ASS1: variants seen among roughly 807,000 people sequenced by gnomAD.
ASS1 encodes argininosuccinate synthase.
A neutral mutation model predicts 60.5 loss-of-function variants in ASS1; 58 were observed. That is an observed-to-expected ratio of 0.96 (90% confidence interval 0.78 to 1.19). The LOEUF is 1.19. Among genes scored for constraint, ASS1 ranks in the 50% most tolerant of loss-of-function variants. The pLI is 0.00. For synonymous variants in ASS1, 200 were observed against 206.9 expected (o/e 0.97, Z 0.29); for missense variants, 454 against 547.3 (o/e 0.83, Z 1.70).
rs2118864015 is a variant in ASS1, at chr9:130,489,331, A to T, written c.839-2A>T. On this transcript the variant is annotated splice_acceptor_variant, in intron 11 of 14. Transcript: ENST00000352480. LOFTEE classifies it high-confidence loss of function. This position sits in a 1 kb window ranked among gnomAD's most constrained non-coding sequence, Gnocchi z 4.1. ...TTTCCCCCTGCCTGGAAAAATGGCT[A>T]GGTATCTACGAGACCCCAGCAGGCA... 1 of 1,613,170 alleles carries T rather than the reference A, an allele frequency of 6.2e-7. No homozygotes were observed.
rs1053548023 is a variant in ASS1, at chr9:130,470,365, G to T, written c.496-469G>T. Among the ~76,000 whole-genome samples, 8 of 152,254 alleles carry T rather than the reference G, an allele frequency of 5.3e-5. No individual in the cohort carries two copies. The South Asian group carries it at 1.7e-3, about 32-fold the overall frequency. On this transcript the variant is annotated intron_variant, in intron 6 of 14. Coordinates refer to ENST00000352480, the MANE Select transcript of ASS1 (RefSeq NM_054012.4). The surrounding 1 kb of genome is among the most constrained non-coding windows in gnomAD (Gnocchi z 4.3). ...GGAGGGGTGCCCCCAGAAGGTGTGGGCCATGAGCTAAAAGCTCTCCCTGCA... is the reference window on the plus strand; with the variant it reads ...GGAGGGGTGCCCCCAGAAGGTGTGGTCCATGAGCTAAAAGCTCTCCCTGCA...
intron 8 of ASS1, among the ~76,000 whole-genome samples, chr9:130,475,593 A>G (rs1733391570): frequency 6.6e-6 from 1 of 152,074 alleles, no homozygotes; most frequent in African/African-American, 2.4e-5. Context: ...CTGCCTGCAC[A>G]GAACTCACAG....
intron 11 of ASS1, among the ~76,000 whole-genome samples, chr9:130,487,943 C>T (rs540229516): frequency 2.6e-5 from 4 of 152,006 alleles, no homozygotes; most frequent in African/African-American, 4.8e-5. Context: ...TTAGTAGAGA[C>T]GGGGTTTCAC....
chr9:130,479,782 T>C lies in ASS1; in HGVS notation c.755T>C (p.Met252Thr), dbSNP rs760818666. 14 of 1,614,078 alleles carry C rather than the reference T, an allele frequency of 8.7e-6. No individual in the cohort carries two copies. The highest frequency in any genetic ancestry group is 1.6e-4 in the Middle Eastern group (1 of 6,084). Reference sequence around the variant, plus strand: ...CACCAGACCTCCTTGGAGCTCTTCATGTACCTGAACGAAGTCGCGTGAGTG... The same window carrying C: ...CACCAGACCTCCTTGGAGCTCTTCACGTACCTGAACGAAGTCGCGTGAGTG... Reference protein sequence around the residue: ...TTHQTSLELFMYLNEVAGKHG... With the variant: ...TTHQTSLELFTYLNEVAGKHG... Residue 252 changes from methionine to threonine, a missense_variant, in exon 10 of 15, where the codon ATG becomes ACG. By Grantham distance (81) the Met-to-Thr change is moderately conservative. Coordinates refer to ENST00000352480, the MANE Select transcript of ASS1 (RefSeq NM_054012.4).
At chr9:130,448,422 G>GCGCACACACACA (rs71387350) in intron 1 of ASS1, among the ~76,000 whole-genome samples, 1,507 of 143,342 alleles carry the variant, frequency 0.011, 8 homozygotes, top group African/African-American at 0.024. Flanking sequence ...GTGTGCGCGC[G>GCGCACACACACA]CACACACACA....
At chr9:130,469,057 A>G (rs2131884810) in intron 6 of ASS1, among the ~76,000 whole-genome samples, 1 of 152,278 alleles carries the variant, frequency 6.6e-6, no homozygotes, top group Non-Finnish European at 1.5e-5. Context: ...GAAGGGAGGC[A>G]AAGGTTCTTT....
rs551310557 is a variant in ASS1, at chr9:130,466,574, G to A, written c.421-151G>A. The A allele has an allele frequency of 1.5e-5, 11 of 736,820 alleles. No homozygotes were observed. In the African/African-American group the frequency reaches 1.6e-4, roughly 10 times the overall value. 45.6% of individuals were successfully genotyped at this position (736,820 alleles called of 1,614,324 possible). On this transcript the variant is annotated intron_variant, in intron 5 of 14. Coordinates refer to ENST00000352480, the MANE Select transcript of ASS1 (RefSeq NM_054012.4). ...CTGTGTCCTTCCCCTCCTTCATGGG[G>A]CTCCCTCTCACCCTCACAACAGCAT... is the stretch of plus-strand genomic sequence containing the variant.
At chr9:130,475,178 G>A (rs1845983462) in intron 8 of ASS1, among the ~76,000 whole-genome samples, 1 of 152,186 alleles carries the variant, frequency 6.6e-6, no homozygotes, top group Non-Finnish European at 1.5e-5. Flanking sequence ...ATGACCACAG[G>A]TGAGCTTCCA....
chr9:130,479,951 CA>C (rs2118840224), intron 10 of ASS1, 151 bp downstream of exon 10: 1 of 945,924 alleles, frequency 1.1e-6, no homozygotes, highest in East Asian at 2.4e-5. Context: ...TTTCCCGGAC[CA>C]GGGGGACCCA....
intron 8 of ASS1, among the ~76,000 whole-genome samples, chr9:130,472,900 A>T (rs769707707): frequency 6.6e-6 from 1 of 152,198 alleles, no homozygotes; most frequent in Non-Finnish European, 1.5e-5. Flanking sequence ...CTCTGCAAGC[A>T]GCCTATGGGG....
chr9:130,479,204 C>T, intron 9 of ASS1, among the ~76,000 whole-genome samples: 1 of 152,168 alleles, frequency 6.6e-6, no homozygotes, highest in South Asian at 2.1e-4. Context: ...GTGTCACCCC[C>T]ATCAATCAGA....
intron 13 of ASS1, among the ~76,000 whole-genome samples, chr9:130,498,771 C>T (rs989568006): frequency 6.6e-6 from 1 of 152,154 alleles, no homozygotes; most frequent in Non-Finnish European, 1.5e-5. Context: ...GACGCAAACC[C>T]CAGTCAGCTG....
intron 13 of ASS1, among the ~76,000 whole-genome samples, chr9:130,495,464 C>T (rs1290659692): frequency 1.4e-3 from 149 of 107,816 alleles, no homozygotes; most frequent in Middle Eastern, 4.2e-3. Flanking sequence ...TATATATACA[C>T]ATACATATAC....
Position 130,501,093 on chromosome 9 carries a change from A to G in ASS1, c.*72A>G. The stretch of plus-strand genomic sequence containing the variant: ...CCAAGTACAGGCGCTAATTGTTGTG[A>G]TAATTTGTAATTGTGACTTGTTCTC... On this transcript the variant is annotated 3_prime_UTR_variant, in exon 15 of 15. Coordinates refer to ENST00000352480, the MANE Select transcript of ASS1 (RefSeq NM_054012.4). 1 of 1,494,100 alleles carries G rather than the reference A, an allele frequency of 6.7e-7. No individual in the cohort carries two copies. Among genetic ancestry groups the G allele is most frequent in the East Asian group, 2.3e-5 (1 of 44,322 alleles). 92.6% of individuals were successfully genotyped at this position (1,494,100 alleles called of 1,614,324 possible).
chr9:130,466,570 T>C, intron 5 of ASS1, 155 bp from the exon 6 acceptor site: 3 of 723,628 alleles, frequency 4.1e-6, no homozygotes, highest in Admixed American at 2.1e-5. Context: ...CCCTCCTTCA[T>C]GGGGCTCCCT....
upstream of ASS1, among the ~76,000 whole-genome samples, chr9:130,444,718 C>T (rs1380523124): frequency 1.3e-5 from 2 of 151,912 alleles, no homozygotes; most frequent in Non-Finnish European, 2.9e-5. The surrounding 1 kb of genome is among the most constrained non-coding windows in gnomAD (Gnocchi z 4.7). Flanking sequence ...CCGGCGCGCC[C>T]CTGGGAGGGT....
intron 2 of ASS1, 60 bp from the exon 3 acceptor site, chr9:130,454,245 T>C (rs1047145167): frequency 2.6e-6 from 4 of 1,544,180 alleles, no homozygotes; most frequent in African/African-American, 1.4e-5. Flanking sequence ...TGCATGCGGA[T>C]GGTGTGAACT....
At position 130,488,086 on chromosome 9, in the gene ASS1, C is replaced by T. The variant is rs919012963; in HGVS notation, c.839-1247C>T. Among the ~76,000 whole-genome samples, 2 of 152,226 alleles carry T rather than the reference C, an allele frequency of 1.3e-5. No homozygotes were observed. The highest frequency in any genetic ancestry group is 4.8e-5 in the African/African-American group (2 of 41,462). ...TTCCTTCTTAAGGCTGAATAATATT[C>T]CATCGTATGGATGGACTGCATTTTG... On this transcript the variant is annotated intron_variant, in intron 11 of 14. Coordinates refer to ENST00000352480, the MANE Select transcript of ASS1 (RefSeq NM_054012.4). This position sits in a 1 kb window ranked among gnomAD's most constrained non-coding sequence, Gnocchi z 5.2.
chr9:130,446,478 A>T (rs528339710), intron 1 of ASS1, among the ~76,000 whole-genome samples: 5 of 152,294 alleles, frequency 3.3e-5, no homozygotes, highest in Admixed American at 6.5e-5. Context: ...TCTGTGCACC[A>T]TGCTGAGAAG....
Sources: gnomAD v4.1 joint callset for allele counts (sites outside exome capture counted in the v4.1 genomes callset) on GRCh38, gnomAD v4.1.1 for gene constraint, Gnocchi (gnomAD v3.1) non-coding constraint, MANE v1.5 for transcripts, NCBI Gene and HGNC (gene_info 2026-07-23, HGNC 2026-07-21) for gene names.